Variants in ELF1 observed in about 807,000 individuals in gnomAD.
The protein encoded by ELF1 is ETS-related transcription factor Elf-1.
A neutral mutation model predicts 59.9 loss-of-function variants in ELF1; 24 were observed. That is an observed-to-expected ratio of 0.40 (90% CI 0.29 to 0.56). The LOEUF (loss-of-function observed/expected upper bound fraction) is 0.56. ELF1 is among the 20% of genes least tolerant of loss of function. ELF1 has a pLI of 0.44. For missense variants in ELF1, 627 were observed against 742.2 expected (o/e 0.84, Z 1.80); for synonymous variants, 248 against 266.2 (o/e 0.93, Z 0.67).
Position 40,933,258 on chromosome 13 carries a change from GA to G in ELF1, c.*166del. 1 of 816,028 alleles carries G rather than the reference GA, an allele frequency of 1.2e-6. No homozygotes were observed. Among genetic ancestry groups the G allele is most frequent in the Non-Finnish European group, 1.8e-6 (1 of 548,022 alleles). 50.5% of individuals were successfully genotyped at this position (816,028 alleles called of 1,614,324 possible). On this transcript the variant is annotated 3_prime_UTR_variant, in exon 9 of 9. Coordinates refer to ENST00000239882, the MANE Select transcript of ELF1 (RefSeq NM_172373.4). Reference sequence around the variant, plus strand: ...TTCTGAAACATTTAGATAACAAAGAGAAACAGTTGAGTTTTCCTCCCTCATC... The same window carrying G: ...TTCTGAAACATTTAGATAACAAAGAGAACAGTTGAGTTTTCCTCCCTCATC...
chr13:41,012,699 A>C (rs1310572460), intron 1 of ELF1, among the ~76,000 whole-genome samples: 2 of 151,244 alleles, frequency 1.3e-5, no homozygotes, highest in East Asian at 3.9e-4. Context: ...GTGTGACACC[A>C]CACCTGGCTA....
intron 1 of ELF1, among the ~76,000 whole-genome samples, chr13:41,009,791 G>A (rs1874945036): frequency 6.6e-6 from 1 of 151,906 alleles, no homozygotes; most frequent in Non-Finnish European, 1.5e-5. Context: ...TCTAGTTCTG[G>A]TTTAGAAAGC....
At chr13:40,977,168 A>G (rs747013532) in intron 2 of ELF1, among the ~76,000 whole-genome samples, 7 of 152,148 alleles carry the variant, frequency 4.6e-5, no homozygotes, top group Non-Finnish European at 1.0e-4. Context: ...GGAACATTTA[A>G]GTAAATAGGT....
chr13:40,965,625 A>G (rs1338234000), intron 2 of ELF1, among the ~76,000 whole-genome samples: 1 of 147,688 alleles, frequency 6.8e-6, no homozygotes, highest in Non-Finnish European at 1.5e-5. Flanking sequence ...CATCTCAAAG[A>G]AAAAAAAAAA....
chr13:40,959,261 C>G lies in ELF1; in HGVS notation c.73-245G>C, dbSNP rs369224087. On this transcript the variant is annotated intron_variant, in intron 2 of 8. Coordinates refer to ENST00000239882, the MANE Select transcript of ELF1 (RefSeq NM_172373.4). ...CCTGTAATCCCAGCACTCTGGGAGG[C>G]CGAGGCAGGCAGATCACGAGGGTCA... Among the ~76,000 whole-genome samples, 12 of 152,170 alleles carry G rather than the reference C, an allele frequency of 7.9e-5. No homozygotes were observed. The East Asian group carries it at 2.3e-3, about 29-fold the overall frequency.
At chr13:40,983,544 T>C (rs1311344566) in intron 1 of ELF1, among the ~76,000 whole-genome samples, 4 of 152,174 alleles carry the variant, frequency 2.6e-5, no homozygotes, top group African/African-American at 7.2e-5. Context: ...TCAGATGATA[T>C]TTCTACTCAC....
chr13:40,980,762 C>T (rs1369760726), intron 2 of ELF1, among the ~76,000 whole-genome samples: 1 of 152,140 alleles, frequency 6.6e-6, no homozygotes, highest in African/African-American at 2.4e-5. Flanking sequence ...AATATACACA[C>T]AAACATCCTG....
intron 5 of ELF1, among the ~76,000 whole-genome samples, 162 bp downstream of exon 5, chr13:40,949,644 C>T (rs751008975): frequency 1.5e-4 from 23 of 152,182 alleles, no homozygotes; most frequent in Non-Finnish European, 2.8e-4. Context: ...CATGAATCTC[C>T]GTGCCTGGCC....
Position 40,951,401 on chromosome 13 carries a change from C to G in ELF1, c.289G>C (p.Glu97Gln), listed in dbSNP as rs768578401. 6.2e-7 allele frequency: 1 copy of G among 1,613,798 alleles called. No homozygotes were observed. The highest frequency in any genetic ancestry group is 1.1e-5 in the South Asian group (1 of 91,058). ...ASCHDGDETIETIEAAEALLN... is the reference protein window; with the variant it reads ...ASCHDGDETIQTIEAAEALLN... ...AGTGCCTCAGCAGCCTCAATAGTTT[C>G]AATTGTTTCATCCCCGTCATGACAA... The change falls in exon 4 of 9, where the codon GAA becomes CAA. Residue 97 changes from glutamate to glutamine, a missense_variant. Glu to Gln is a conservative substitution (Grantham distance 29). Transcript: ENST00000239882.
At chr13:40,967,374 T>C (rs905775990) in intron 2 of ELF1, among the ~76,000 whole-genome samples, 2 of 152,218 alleles carry the variant, frequency 1.3e-5, no homozygotes, top group Admixed American at 1.3e-4. Context: ...ATCCAGCCTC[T>C]CTAAGCTTTA....
intron 3 of ELF1, among the ~76,000 whole-genome samples, chr13:40,952,900 C>A (rs1316594392): frequency 6.6e-6 from 1 of 151,884 alleles, no homozygotes; most frequent in Admixed American, 6.6e-5. Flanking sequence ...TATTTTATCT[C>A]TAAATACTTT....
At position 40,976,268 on chromosome 13, in the gene ELF1, G is replaced by T. The variant is rs142841507; in HGVS notation, c.72+5715C>A. Among the ~76,000 whole-genome samples, 11 of 152,274 alleles carry T rather than the reference G, an allele frequency of 7.2e-5. No individual in the cohort carries two copies. The East Asian group carries it at 2.1e-3, about 29-fold the overall frequency. The stretch of plus-strand genomic sequence containing the variant: ...AAATTAAGATGTTTGGACTGATAAT[G>T]AAGTCAAGAGAATCTGTTAAAAGTT... On this transcript the variant is annotated intron_variant, in intron 2 of 8. Transcript: ENST00000239882.
At chr13:40,937,598 T>C (rs1297620671) in intron 8 of ELF1, among the ~76,000 whole-genome samples, 2 of 151,844 alleles carry the variant, frequency 1.3e-5, no homozygotes, top group African/African-American at 2.4e-5. Context: ...GCCTCCCAAG[T>C]AGCTGGGATT....
chr13:40,951,356 C>T lies in ELF1; in HGVS notation c.334G>A (p.Gly112Ser). The T allele has an allele frequency of 1.2e-6, 2 of 1,613,066 alleles. No individual in the cohort carries two copies. The highest frequency in any genetic ancestry group is 8.5e-7 in the Non-Finnish European group (1 of 1,179,400). The change falls in exon 4 of 9, where the codon GGC becomes AGC. Residue 112 changes from glycine (G) to serine (S), a missense_variant. Around this residue, in one of 3 missense-constraint regions of ELF1, gnomAD observed 232 missense variants for 269.2 expected, o/e 0.86. Coordinates refer to ENST00000239882, the MANE Select transcript of ELF1 (RefSeq NM_172373.4). ...AEALLNMDSP[G>S]PMLDEKRINN... ...ATTCGTTTTTCATCCAGCATAGGGC[C>T]AGGGGAATCCATATTGAGGAGTGCC... is the stretch of plus-strand genomic sequence containing the variant.
chr13:40,982,193 G>C lies in ELF1; in HGVS notation c.-139C>G. On this transcript the variant is annotated 5_prime_UTR_variant, in exon 2 of 9. Coordinates refer to ENST00000239882, the MANE Select transcript of ELF1 (RefSeq NM_172373.4). ...TAATTGTATACCCAAGTTTTCTTTAGGGAAGGTGCTTCAGTTTTCCTGGTT... is the reference window on the plus strand; with the variant it reads ...TAATTGTATACCCAAGTTTTCTTTACGGAAGGTGCTTCAGTTTTCCTGGTT... 7.6e-7 allele frequency: 1 copy of C among 1,308,768 alleles called. No homozygotes were observed. Among genetic ancestry groups the C allele is most frequent in the Non-Finnish European group, 9.7e-7 (1 of 1,025,906 alleles). 81.1% of individuals were successfully genotyped at this position (1,308,768 alleles called of 1,614,324 possible).
chr13:40,955,944 G>A (rs1363659081), intron 3 of ELF1, among the ~76,000 whole-genome samples: 1 of 115,912 alleles, frequency 8.6e-6, no homozygotes, highest in Non-Finnish European at 1.9e-5. Context: ...GTCCGGGAGG[G>A]AGGCGGGGGG....
At chr13:40,976,769 C>T (rs1872932495) in intron 2 of ELF1, among the ~76,000 whole-genome samples, 1 of 151,918 alleles carries the variant, frequency 6.6e-6, no homozygotes, top group South Asian at 2.1e-4. Context: ...CGAACTCCTG[C>T]TCTCATGTGA....
Position 40,956,381 on chromosome 13 carries a change from G to T in ELF1, c.253+2455C>A, listed in dbSNP as rs1052125793. ...ACAGATATTTGAAGGCAGCATGCTC[G>T]TTAAGAGTCATCACCACTCCCTAAT... On this transcript the variant is annotated intron_variant, in intron 3 of 8. Transcript: ENST00000239882. Among the ~76,000 whole-genome samples the T allele has an allele frequency of 6.6e-5, 10 of 152,088 alleles. No homozygotes were observed. In the East Asian group the frequency reaches 1.4e-3, roughly 21 times the overall value.
Position 41,049,980 on chromosome 13 carries a change from A to G in ELF1, c.-229+10858T>C, listed in dbSNP as rs114308381. ...TTACATTCATAAATAATGTGCATAG[A>G]GTATCCACATACAAACTGAAATTTG... On this transcript the variant is annotated intron_variant, in intron 1 of 1. Transcript: ENST00000405737. Among the ~76,000 whole-genome samples the G allele has an allele frequency of 3.9e-3, 592 of 152,346 alleles. 4 individuals are homozygous for G. The highest frequency in any genetic ancestry group is 0.011 in the South Asian group (52 of 4,828).
Sources: allele counts gnomAD v4.1 joint callset (sites outside exome capture counted in the v4.1 genomes callset), GRCh38; gene constraint gnomAD v4.1.1; regional missense constraint gnomAD v4.1.1; transcripts MANE v1.5; gene names NCBI Gene and HGNC (gene_info 2026-07-23, HGNC 2026-07-21).